Variants in SERGEF observed in about 807,000 individuals in gnomAD.
SERGEF encodes the protein secretion-regulating guanine nucleotide exchange factor.
A neutral mutation model predicts 50.0 loss-of-function variants in SERGEF; 51 were observed. The observed-to-expected ratio is 1.02, with a 90% CI of 0.81 to 1.29. The LOEUF is 1.29. SERGEF is among the 50% of genes most tolerant of loss of function. SERGEF has a pLI of 0.00. For missense variants in SERGEF, 521 were observed against 557.0 expected, an observed-to-expected ratio of 0.94 and a Z score of 0.65; for synonymous variants, 205 against 212.4, an observed-to-expected ratio of 0.97 and a Z score of 0.30.
chr11:17,789,415 C>T (rs1373248313), intron 10 of SERGEF, among the ~76,000 whole-genome samples: 3 of 152,172 alleles, frequency 2.0e-5, no homozygotes, highest in East Asian at 1.9e-4. Flanking sequence ...CAGGTGTTTA[C>T]TGAATAGATA....
At chr11:17,942,034 G>A (rs529337887) in intron 9 of SERGEF, among the ~76,000 whole-genome samples, 27 of 152,288 alleles carry the variant, frequency 1.8e-4, no homozygotes, top group African/African-American at 6.3e-4. Context: ...TTGAAGTCGG[G>A]TTAGGTGGAT....
intron 8 of SERGEF, among the ~76,000 whole-genome samples, chr11:17,973,757 A>G (rs1853305388): frequency 6.6e-6 from 1 of 152,188 alleles, no homozygotes; most frequent in African/African-American, 2.4e-5. Context: ...CTCCCACCCC[A>G]TATTTGAGAA....
At position 17,910,193 on chromosome 11, in the gene SERGEF, A is replaced by ACACTCTCT. The variant is rs869123110; in HGVS notation, c.1012-31950_1012-31949insAGAGAGTG. Reference sequence around the variant, plus strand: ...CCTACACACACACACACACACACACACTCTCTCTCTCTCTCTCTCTTTCCC... The same window carrying ACACTCTCT: ...CCTACACACACACACACACACACACACACTCTCTCTCTCTCTCTCTCTCTCTCTTTCCC... On this transcript the variant is annotated intron_variant, in intron 9 of 10. Coordinates refer to ENST00000265965, the MANE Select transcript of SERGEF (RefSeq NM_012139.4). 1.9e-3 allele frequency among the ~76,000 whole-genome samples: 274 copies of ACACTCTCT among 145,738 alleles called. 1 individual carries two copies. The highest frequency in any genetic ancestry group is 0.012 in the South Asian group (52 of 4,468).
In SERGEF at chr11:18,012,792, T is replaced by TCCTCCGCTCCC. The variant is rs1051458008; in HGVS notation, c.60+148_60+158dup. On this transcript the variant is annotated intron_variant, in intron 1 of 10. Coordinates refer to ENST00000265965, the MANE Select transcript of SERGEF (RefSeq NM_012139.4). Reference sequence around the variant, plus strand: ...CCTTCCTTCCCCGCCCGCCCGCTCCTCCTCCGCTCCCCCTCCGCTCCCAGC... The same window carrying TCCTCCGCTCCC: ...CCTTCCTTCCCCGCCCGCCCGCTCCTCCTCCGCTCCCCCTCCGCTCCCCCTCCGCTCCCAGC... 293 of 602,682 alleles carry TCCTCCGCTCCC rather than the reference T, an allele frequency of 4.9e-4. 1 individual carries two copies. The highest frequency in any genetic ancestry group is 3.7e-3 in the Middle Eastern group (8 of 2,142). 37.3% of individuals were successfully genotyped at this position (602,682 alleles called of 1,614,324 possible). A position where few individuals can be genotyped will look rare whatever the true frequency, so the allele number is the denominator to read the frequency against.
chr11:17,988,590 G>T lies in SERGEF; in HGVS notation c.844+7C>A. 6.2e-7 allele frequency: 1 copy of T among 1,613,578 alleles called. No homozygotes were observed. The highest frequency in any genetic ancestry group is 8.5e-7 in the Non-Finnish European group (1 of 1,179,802). ...TACCAACCGTAAGTTCTCTGCTACT[G>T]TCTCACCTGTCTGAGCAACCAGGTG... On this transcript the variant is annotated splice_region_variant and intron_variant, in intron 8 of 10. Transcript: ENST00000265965.
At chr11:17,832,019 C>T (rs1850317073) in intron 10 of SERGEF, among the ~76,000 whole-genome samples, 1 of 152,220 alleles carries the variant, frequency 6.6e-6, no homozygotes, top group South Asian at 2.1e-4. Flanking sequence ...TCCACTATAT[C>T]TGAAGCTAGA....
chr11:17,877,519 T>C (rs2133897551), intron 10 of SERGEF, among the ~76,000 whole-genome samples: 1 of 152,312 alleles, frequency 6.6e-6, no homozygotes, highest in South Asian at 2.1e-4. Context: ...GAGAAGTCAA[T>C]ACCTTGTCCA....
At chr11:17,901,763 T>C (rs1380256392) in intron 9 of SERGEF, among the ~76,000 whole-genome samples, 3 of 152,238 alleles carry the variant, frequency 2.0e-5, no homozygotes, top group Non-Finnish European at 4.4e-5. Flanking sequence ...ACAGTTCTCA[T>C]GACAATGAGC....
intron 9 of SERGEF, among the ~76,000 whole-genome samples, chr11:17,906,278 C>T (rs968141722): frequency 6.6e-6 from 1 of 152,232 alleles, no homozygotes; most frequent in African/African-American, 2.4e-5. Flanking sequence ...AACCCAGTTT[C>T]AGCCTCCTGA....
At chr11:18,000,619 T>C in intron 4 of SERGEF, 62 bp from the exon 5 acceptor site, 1 of 1,209,718 alleles carries the variant, frequency 8.3e-7, no homozygotes. Flanking sequence ...TTTTATGTAA[T>C]TTATACCAAA....
intron 9 of SERGEF, among the ~76,000 whole-genome samples, chr11:17,893,785 T>C (rs979606320): frequency 3.0e-4 from 45 of 152,154 alleles, no homozygotes; most frequent in African/African-American, 1.0e-3. Flanking sequence ...CTTCACAATA[T>C]TAAAAGTTAT....
chr11:17,885,958 T>A (rs925805706), intron 9 of SERGEF, among the ~76,000 whole-genome samples: 1 of 152,176 alleles, frequency 6.6e-6, no homozygotes, highest in Non-Finnish European at 1.5e-5. Context: ...TCAAATCTCC[T>A]TTGTGCTTTT....
chr11:17,911,714 C>G (rs78429742), intron 9 of SERGEF, among the ~76,000 whole-genome samples: 1,714 of 152,182 alleles, frequency 0.011, 15 homozygotes, highest in Non-Finnish European at 0.018. Context: ...TCTCAAACTT[C>G]TGGGCTCCAG....
intron 9 of SERGEF, among the ~76,000 whole-genome samples, chr11:17,957,975 T>C (rs1852911044): frequency 6.6e-6 from 1 of 152,228 alleles, no homozygotes; most frequent in Admixed American, 6.5e-5. Context: ...AAAAGGAATG[T>C]AGCTGTTTTA....
At chr11:17,852,641 T>G (rs1038889682) in intron 10 of SERGEF, among the ~76,000 whole-genome samples, 6 of 152,122 alleles carry the variant, frequency 3.9e-5, no homozygotes, top group Admixed American at 2.0e-4. Flanking sequence ...GGAATCAGGG[T>G]CAGGGAAGGT....
At chr11:18,007,617 T>A (rs1854105493) in intron 2 of SERGEF, among the ~76,000 whole-genome samples, 1 of 152,138 alleles carries the variant, frequency 6.6e-6, no homozygotes, top group Admixed American at 6.6e-5. Context: ...TACAAAGACT[T>A]CTAATTCCTA....
intron 10 of SERGEF, among the ~76,000 whole-genome samples, chr11:17,800,476 T>A (rs1287447441): frequency 6.6e-6 from 1 of 152,130 alleles, no homozygotes; most frequent in Non-Finnish European, 1.5e-5. Context: ...TCTGCCAGAG[T>A]TGCAGAATAA....
At chr11:17,957,841 A>T (rs555073825) in intron 9 of SERGEF, among the ~76,000 whole-genome samples, 276 of 152,302 alleles carry the variant, frequency 1.8e-3, no homozygotes, top group African/African-American at 6.4e-3. Flanking sequence ...TAGCCATTTT[A>T]AATGATCATT....
At chr11:17,909,558 ATG>A (rs1297927046) in intron 9 of SERGEF, among the ~76,000 whole-genome samples, 1 of 152,212 alleles carries the variant, frequency 6.6e-6, no homozygotes, top group East Asian at 1.9e-4. Context: ...GCACAGAATA[ATG>A]TGTTATTTTG....
Sources: gnomAD v4.1 joint callset for allele counts (sites outside exome capture counted in the v4.1 genomes callset) on GRCh38, gnomAD v4.1.1 for gene constraint, MANE v1.5 for transcripts, NCBI Gene and HGNC (gene_info 2026-07-23, HGNC 2026-07-21) for gene names.